The following EBF2 variants were observed in gnomAD, a reference collection of about 807,000 sequenced individuals.
EBF2 encodes transcription factor COE2.
A neutral mutation model predicts 72.8 loss-of-function variants in EBF2; 21 were observed. The ratio of observed to expected loss-of-function variants is 0.29; its 90% confidence interval spans 0.20 to 0.42. The LOEUF (loss-of-function observed/expected upper bound fraction) is 0.42. Among genes scored for constraint, EBF2 ranks in the 10% least tolerant of loss-of-function variants. EBF2 has a pLI of 1.00. For synonymous variants in EBF2, 299 were observed against 274.2 expected (o/e 1.09, Z -0.89); for missense variants, 637 against 731.2 (o/e 0.87, Z 1.49).
At chr8:26,012,815 G>A (rs761233521) in intron 6 of EBF2, among the ~76,000 whole-genome samples, 27 of 152,270 alleles carry the variant, frequency 1.8e-4, no homozygotes, top group South Asian at 4.1e-4. Flanking sequence ...GCCCCATACC[G>A]TTGACCTTTT....
chr8:25,901,195 G>A (rs1450743731), intron 7 of EBF2, among the ~76,000 whole-genome samples: 2 of 152,088 alleles, frequency 1.3e-5, no homozygotes, highest in Non-Finnish European at 2.9e-5. Context: ...AGACGGGTGG[G>A]TGAATCACTT....
chr8:26,037,863 TC>T (rs112584531), intron 5 of EBF2, among the ~76,000 whole-genome samples: 4,481 of 152,254 alleles, frequency 0.029, 227 homozygotes, highest in African/African-American at 0.1. Context: ...TCTGCTTTGT[TC>T]CCCCATTCAA....
rs767791893 is a variant in EBF2 at position 25,858,450 on chromosome 8, G to A, written c.1397C>T (p.Thr466Met). Residue 466 changes from threonine to methionine, a missense_variant, in exon 14 of 16, where the codon ACG becomes ATG. Around this residue, in one of 3 missense-constraint regions of EBF2, gnomAD observed 259 missense variants for 268.1 expected, o/e 0.97. Coordinates refer to ENST00000520164, the MANE Select transcript of EBF2 (RefSeq NM_022659.4). ...ISPRGYSSSSTPQQSNYSTSS... is the reference protein window; with the variant it reads ...ISPRGYSSSSMPQQSNYSTSS... ...GGTACTGTAATTAGACTGTTGAGGC[G>A]TGGAGCTGGAAGAGTATCCCCGCGG... 74 of 1,613,952 alleles carry A rather than the reference G, an allele frequency of 4.6e-5. No individual in the cohort carries two copies. In the East Asian group the frequency reaches 8.9e-4, roughly 19 times the overall value.
chr8:25,860,692 T>TG (rs1020266761), intron 13 of EBF2, among the ~76,000 whole-genome samples: 3 of 151,816 alleles, frequency 2.0e-5, no homozygotes, highest in African/African-American at 7.3e-5. Context: ...ACCTGGCTAT[T>TG]TTTTTATAGA....
At chr8:26,030,444 A>C (rs1248732419) in intron 6 of EBF2, among the ~76,000 whole-genome samples, 1 of 151,652 alleles carries the variant, frequency 6.6e-6, no homozygotes, top group Non-Finnish European at 1.5e-5. Context: ...GGAAGGGGGG[A>C]GGGAGAGCAT....
chr8:25,877,465 T>C (rs1802542009), intron 10 of EBF2, among the ~76,000 whole-genome samples: 2 of 152,168 alleles, frequency 1.3e-5, no homozygotes, highest in African/African-American at 4.8e-5. Context: ...CAAACCACGG[T>C]TGGTGGAAAA....
chr8:25,856,322 T>C (rs1041970408), intron 14 of EBF2, among the ~76,000 whole-genome samples: 6 of 152,188 alleles, frequency 3.9e-5, no homozygotes, highest in African/African-American at 1.4e-4. Flanking sequence ...AATGGTCAAA[T>C]AGAGGGAATT....
chr8:25,870,060 A>C (rs553764728), intron 10 of EBF2, among the ~76,000 whole-genome samples: 16 of 152,182 alleles, frequency 1.1e-4, no homozygotes, highest in Non-Finnish European at 1.6e-4. Flanking sequence ...CATGATGGGC[A>C]TCCTCCTCAG....
At chr8:25,959,349 C>A (rs190413888) in intron 6 of EBF2, among the ~76,000 whole-genome samples, 1 of 152,060 alleles carries the variant, frequency 6.6e-6, no homozygotes, top group Non-Finnish European at 1.5e-5. Flanking sequence ...GGATTACAGG[C>A]GCCCACCACC....
intron 6 of EBF2, among the ~76,000 whole-genome samples, chr8:25,959,529 GA>G (rs1192852560): frequency 6.6e-6 from 1 of 152,198 alleles, no homozygotes; most frequent in Non-Finnish European, 1.5e-5. Flanking sequence ...ATAAGCAAAT[GA>G]ATTGTGGTGT....
At chr8:25,966,514 G>A (rs1280019925) in intron 6 of EBF2, among the ~76,000 whole-genome samples, 1 of 152,178 alleles carries the variant, frequency 6.6e-6, no homozygotes, top group Non-Finnish European at 1.5e-5. Flanking sequence ...ATGCAAGAAG[G>A]TAAATGCAAT....
chr8:25,850,791 G>C, intron 14 of EBF2, 30 bp from the exon 15 acceptor site: 2 of 1,542,712 alleles, frequency 1.3e-6, no homozygotes, highest in Non-Finnish European at 1.7e-6. Context: ...TCCTCATTTA[G>C]AAATTAAGAT....
At chr8:25,968,437 C>T (rs956559055) in intron 6 of EBF2, among the ~76,000 whole-genome samples, 5 of 152,052 alleles carry the variant, frequency 3.3e-5, no homozygotes, top group Non-Finnish European at 7.3e-5. Context: ...CAGTTATGAA[C>T]GAATATTGTA....
intron 6 of EBF2, among the ~76,000 whole-genome samples, chr8:25,980,420 G>A (rs1804340486): frequency 6.6e-6 from 1 of 151,996 alleles, no homozygotes; most frequent in African/African-American, 2.4e-5. Flanking sequence ...TGGTAAGCGT[G>A]CTGTAAAGGA....
At chr8:25,965,277 G>A (rs1365877624) in intron 6 of EBF2, among the ~76,000 whole-genome samples, 1 of 152,076 alleles carries the variant, frequency 6.6e-6, no homozygotes, top group Non-Finnish European at 1.5e-5. Context: ...GGAACTCAAA[G>A]TACCTATTCA....
At chr8:25,898,614 G>A (rs1317319950) in intron 7 of EBF2, among the ~76,000 whole-genome samples, 1 of 152,070 alleles carries the variant, frequency 6.6e-6, no homozygotes, top group Non-Finnish European at 1.5e-5. Context: ...ACTAAAATTT[G>A]TGCCAAGTGG....
chr8:25,892,767 G>GT (rs1188022370), intron 7 of EBF2, among the ~76,000 whole-genome samples: 1 of 152,148 alleles, frequency 6.6e-6, no homozygotes, highest in African/African-American at 2.4e-5. Context: ...AATTCACTGT[G>GT]TTTCTAATAT....
chr8:26,020,943 A>G (rs557482193), intron 6 of EBF2, among the ~76,000 whole-genome samples: 1 of 152,274 alleles, frequency 6.6e-6, no homozygotes, highest in South Asian at 2.1e-4. Context: ...GTCAGCCACA[A>G]CCAAGAAGAG....
At chr8:26,019,849 G>C (rs1192155196) in intron 6 of EBF2, among the ~76,000 whole-genome samples, 7 of 152,212 alleles carry the variant, frequency 4.6e-5, no homozygotes, top group African/African-American at 1.7e-4. Context: ...GCTGGATTAA[G>C]TTGAAAATCT....
Sources: gnomAD v4.1 joint callset for allele counts (sites outside exome capture counted in the v4.1 genomes callset) on GRCh38, gnomAD v4.1.1 for gene constraint, gnomAD v4.1.1 regional missense constraint, MANE v1.5 for transcripts, NCBI Gene and HGNC (gene_info 2026-07-23, HGNC 2026-07-21) for gene names.